The following NRXN3 variants were observed in gnomAD, a reference collection of about 807,000 sequenced individuals.
The protein encoded by NRXN3 is neurexin III.
A neutral mutation model predicts 137.6 loss-of-function variants in NRXN3; 32 were observed. The observed-to-expected ratio is 0.23, with a 90% CI of 0.18 to 0.31. NRXN3 has a LOEUF of 0.31. Ranked by LOEUF, NRXN3 falls within the 10% of genes least tolerant of loss-of-function variation. The pLI is 1.00. For synonymous variants in NRXN3, 798 were observed against 784.5 expected (o/e 1.02, Z -0.29); for missense variants, 1,574 against 2,062.5 (o/e 0.76, Z 4.59).
chr14:79,273,882 G>C (rs1454879528), intron 15 of NRXN3, among the ~76,000 whole-genome samples: 1 of 151,668 alleles, frequency 6.6e-6, no homozygotes, highest in Non-Finnish European at 1.5e-5. Flanking sequence ...AGATCACGAG[G>C]TCAGGAGTTC....
chr14:79,845,856 CGG>C (rs2099367403), intron 20 of NRXN3, among the ~76,000 whole-genome samples: 4 of 10,890 alleles, frequency 3.7e-4, no homozygotes, highest in African/African-American at 1.1e-3. Context: ...GAGAGGGAGA[CGG>C]GGAGAGAGAG....
chr14:78,370,522 TGTCTTTACTCATCTCTA>T (rs2153615884), intron 4 of NRXN3, among the ~76,000 whole-genome samples: 1 of 152,328 alleles, frequency 6.6e-6, no homozygotes, highest in Admixed American at 6.5e-5. Flanking sequence ...TTGTTTTATT[TGTCTTTACTCATCTCTA>T]GACTCTAAAT....
At chr14:78,658,871 G>A (rs2097808073) in intron 6 of NRXN3, among the ~76,000 whole-genome samples, 2 of 152,184 alleles carry the variant, frequency 1.3e-5, no homozygotes, top group Admixed American at 1.3e-4. Context: ...AGAAATAAGA[G>A]TTGAGCAAGG....
In NRXN3 at chr14:78,506,555, C is replaced by T. The variant is rs571788227; in HGVS notation, c.758-138565C>T. ...CAACAGTATACAGGGGGTCCAATTTCTCTACATCCTTACTAATAGTTGTTA... is the reference window on the plus strand; with the variant it reads ...CAACAGTATACAGGGGGTCCAATTTTTCTACATCCTTACTAATAGTTGTTA... On this transcript the variant is annotated intron_variant, in intron 4 of 20. Transcript: ENST00000335750. Among the ~76,000 whole-genome samples, 4 of 151,144 alleles carry T rather than the reference C, an allele frequency of 2.6e-5. No homozygotes were observed. The South Asian group carries it at 8.3e-4, about 32-fold the overall frequency.
chr14:79,788,657 A>C (rs1039117497), intron 19 of NRXN3, among the ~76,000 whole-genome samples: 9 of 152,172 alleles, frequency 5.9e-5, no homozygotes, highest in African/African-American at 2.2e-4. Flanking sequence ...CAAAACACAA[A>C]ACTTTTCCCT....
chr14:79,376,407 A>G (rs1599391892), intron 15 of NRXN3, among the ~76,000 whole-genome samples: 1 of 152,026 alleles, frequency 6.6e-6, no homozygotes, highest in Non-Finnish European at 1.5e-5. Flanking sequence ...TCACACGGAA[A>G]CGTGGAGTCT....
intron 16 of NRXN3, among the ~76,000 whole-genome samples, chr14:79,662,727 A>G (rs1049609139): frequency 2.0e-5 from 3 of 152,092 alleles, no homozygotes; most frequent in African/African-American, 7.2e-5. Context: ...GGGGAGGAAG[A>G]GTCTCACATG....
chr14:78,668,227 TA>T (rs1164937211), intron 6 of NRXN3, among the ~76,000 whole-genome samples: 1 of 152,232 alleles, frequency 6.6e-6, no homozygotes, highest in Non-Finnish European at 1.5e-5. Context: ...CATTGAGGTC[TA>T]AAATGCTTAT....
At chr14:79,760,938 A>G (rs1365951661) in intron 19 of NRXN3, 1 of 151,492 alleles carries the variant, frequency 6.6e-6, no homozygotes, top group Admixed American at 6.6e-5. Flanking sequence ...TGGCCTGAGG[A>G]TGGATTCACT....
chr14:79,681,973 T>G (rs184299060), intron 17 of NRXN3, among the ~76,000 whole-genome samples: 1 of 152,134 alleles, frequency 6.6e-6, no homozygotes, highest in Non-Finnish European at 1.5e-5. Context: ...TTTTTTTCCT[T>G]TTTTTCTCTA....
At chr14:79,787,141 C>T (rs1180731490) in intron 19 of NRXN3, among the ~76,000 whole-genome samples, 2 of 152,188 alleles carry the variant, frequency 1.3e-5, no homozygotes, top group East Asian at 1.9e-4. Context: ...CTCTCTGGTA[C>T]ATGGTTGTAG....
intron 4 of NRXN3, among the ~76,000 whole-genome samples, chr14:78,514,006 A>G (rs750518038): frequency 2.0e-5 from 3 of 152,118 alleles, no homozygotes; most frequent in Non-Finnish European, 4.4e-5. Flanking sequence ...CAGATCTAGG[A>G]ATGTGTCATC....
chr14:79,298,606 G>A (rs1254976376), intron 15 of NRXN3, among the ~76,000 whole-genome samples: 4 of 152,090 alleles, frequency 2.6e-5, no homozygotes, highest in African/African-American at 9.7e-5. Flanking sequence ...GAGACAATAA[G>A]AAGCAACGTA....
Position 78,243,098 on chromosome 14 carries a change from G to A in NRXN3, c.5G>A (p.Ser2Asn), listed in dbSNP as rs1224308928. ...GGCTCTGTCCCAGCAGCGACAATGA[G>A]CTCCACACTCCACTCGGTTTTCTTC... MSSTLHSVFFTL... is the reference protein window; with the variant it reads MNSTLHSVFFTL... The change falls in exon 2 of 21, where the codon AGC (serine) becomes AAC (asparagine). Residue 2 changes from serine to asparagine, a missense_variant. Transcript: ENST00000335750. The surrounding 1 kb of genome is among the most constrained non-coding windows in gnomAD (Gnocchi z 4.2). 9.2e-6 allele frequency: 14 copies of A among 1,523,146 alleles called. No individual in the cohort carries two copies. Among genetic ancestry groups the A allele is most frequent in the Non-Finnish European group, 1.2e-5 (14 of 1,141,194 alleles). The allele number at this position is 1,523,146 out of a possible 1,614,324, so 94.4% of individuals were successfully genotyped here. A position where few individuals can be genotyped will look rare whatever the true frequency, so the allele number is the denominator to read the frequency against.
At chr14:79,607,718 G>A (rs2098039989) in intron 16 of NRXN3, among the ~76,000 whole-genome samples, 1 of 150,778 alleles carries the variant, frequency 6.6e-6, no homozygotes, top group Non-Finnish European at 1.5e-5. Context: ...TGTTGCCCAG[G>A]CTGGAGTGCA....
intron 16 of NRXN3, among the ~76,000 whole-genome samples, chr14:79,601,147 G>A (rs552232860): frequency 6.8e-5 from 10 of 147,960 alleles, no homozygotes; most frequent in African/African-American, 1.0e-4. Context: ...TGGTTCAAGC[G>A]ATTCTCCTGC....
intron 16 of NRXN3, among the ~76,000 whole-genome samples, chr14:79,510,883 A>C (rs1952464867): frequency 6.6e-6 from 1 of 152,178 alleles, no homozygotes; most frequent in Non-Finnish European, 1.5e-5. Context: ...CAGCTCAAGC[A>C]GGGAGAGGGC....
At chr14:79,463,823 T>C (rs1052059189) in intron 15 of NRXN3, among the ~76,000 whole-genome samples, 1 of 152,104 alleles carries the variant, frequency 6.6e-6, no homozygotes, top group Non-Finnish European at 1.5e-5. Context: ...GCATGTAATG[T>C]GGTATAGCAT....
At chr14:78,443,116 A>T (rs748957941) in intron 4 of NRXN3, among the ~76,000 whole-genome samples, 10 of 152,234 alleles carry the variant, frequency 6.6e-5, no homozygotes, top group African/African-American at 2.4e-4. Context: ...GAGACCCAGT[A>T]GGTCAAATCT....
Sources: gnomAD v4.1 joint callset for allele counts (sites outside exome capture counted in the v4.1 genomes callset) on GRCh38, gnomAD v4.1.1 for gene constraint, Gnocchi (gnomAD v3.1) non-coding constraint, MANE v1.5 for transcripts, NCBI Gene and HGNC (gene_info 2026-07-23, HGNC 2026-07-21) for gene names.